Variants in DLGAP1 observed in about 807,000 individuals in gnomAD.
The protein encoded by DLGAP1 is disks large-associated protein 1.
In DLGAP1, 11 loss-of-function variants were observed where a neutral mutation model predicts 90.8. The ratio of observed to expected loss-of-function variants is 0.12; its 90% CI spans 0.08 to 0.20. DLGAP1 has a LOEUF of 0.20. Among genes scored for constraint, DLGAP1 ranks in the 10% least tolerant of loss-of-function variants. DLGAP1 has a pLI of 1.00. For synonymous variants in DLGAP1, 558 were observed against 540.7 expected (o/e 1.03, Z -0.44); for missense variants, 1,050 against 1,333.8 (o/e 0.79, Z 3.31).
Position 4,376,816 on chromosome 18 carries a change from G to A in DLGAP1, c.-267+78190C>T, listed in dbSNP as rs184508898. Among the ~76,000 whole-genome samples, 178 of 152,270 alleles carry A rather than the reference G, an allele frequency of 1.2e-3. 1 individual carries two copies. The highest frequency in any genetic ancestry group is 3.9e-3 in the African/African-American group (163 of 41,570). On this transcript the variant is annotated intron_variant, in intron 1 of 12. Coordinates refer to ENST00000315677, the MANE Select transcript of DLGAP1 (RefSeq NM_004746.4). Reference sequence around the variant, plus strand: ...TCAGGCGCTTATTGGACACAGAGCAGAGCCCTGGGTTTTCAGGTGTTCGAA... The same window carrying A: ...TCAGGCGCTTATTGGACACAGAGCAAAGCCCTGGGTTTTCAGGTGTTCGAA...
At chr18:3,581,351 A>T (rs1465329882) in intron 8 of DLGAP1, among the ~76,000 whole-genome samples, 2 of 152,058 alleles carry the variant, frequency 1.3e-5, no homozygotes, top group Admixed American at 1.3e-4. Context: ...ACACTGGCTT[A>T]TCATGTCTCT....
At chr18:3,845,303 T>C (rs559451992) in intron 4 of DLGAP1, 1 of 1,611,910 alleles carries the variant, frequency 6.2e-7, no homozygotes, top group African/African-American at 1.3e-5. Flanking sequence ...AGCTTTGATT[T>C]GGTATAGTGC....
chr18:4,222,968 T>C (rs1339433292), intron 1 of DLGAP1, among the ~76,000 whole-genome samples: 1 of 152,024 alleles, frequency 6.6e-6, no homozygotes, highest in Non-Finnish European at 1.5e-5. Context: ...ATATTAAAGA[T>C]TTTTGCTGGG....
At position 3,594,862 on chromosome 18, in the gene DLGAP1, G is replaced by T. The variant is rs138334173; in HGVS notation, c.1592-12614C>A. On this transcript the variant is annotated intron_variant, in intron 7 of 12. Transcript: ENST00000315677. ...GCATTTTCCATTTTTATCTGAAGTT[G>T]TACTTTGAATGCAGACACCTTTCTC... Among the ~76,000 whole-genome samples the T allele has an allele frequency of 3.0e-3, 452 of 152,262 alleles. 1 individual carries two copies. The highest frequency in any genetic ancestry group is 9.5e-3 in the African/African-American group (396 of 41,538).
At chr18:4,345,469 C>T (rs2081286328) in intron 1 of DLGAP1, among the ~76,000 whole-genome samples, 1 of 152,176 alleles carries the variant, frequency 6.6e-6, no homozygotes, top group Non-Finnish European at 1.5e-5. Context: ...TATAGATACT[C>T]ACAATAGGCA....
chr18:4,004,997 G>C (rs1468677381), intron 3 of DLGAP1, 119 bp downstream of exon 3: 1 of 151,732 alleles, frequency 6.6e-6, no homozygotes, highest in Non-Finnish European at 1.5e-5. Flanking sequence ...GGCGTAGTGG[G>C]ATGTTGGCCT....
At chr18:3,509,840 T>C (rs1217618961) in intron 10 of DLGAP1, among the ~76,000 whole-genome samples, 1 of 152,108 alleles carries the variant, frequency 6.6e-6, no homozygotes, top group Non-Finnish European at 1.5e-5. Flanking sequence ...TAGATAATGG[T>C]TTCTGATGCA....
intron 1 of DLGAP1, among the ~76,000 whole-genome samples, chr18:4,174,309 C>T (rs11081098): frequency 0.44 from 66,285 of 151,792 alleles, 15,489 homozygotes; most frequent in East Asian, 0.69. Flanking sequence ...TACTGATTAA[C>T]TTCATTGTTT....
intron 9 of DLGAP1, among the ~76,000 whole-genome samples, chr18:3,543,860 G>T (rs1321833058): frequency 6.6e-6 from 1 of 152,122 alleles, no homozygotes; most frequent in African/African-American, 2.4e-5. Flanking sequence ...GCATGGCAGT[G>T]TATGGAAGAG....
chr18:4,253,889 T>C (rs2078832340), intron 1 of DLGAP1, among the ~76,000 whole-genome samples: 1 of 152,188 alleles, frequency 6.6e-6, no homozygotes, highest in South Asian at 2.1e-4. Flanking sequence ...CTGATTTATA[T>C]TTGTACTTTG....
intron 10 of DLGAP1, among the ~76,000 whole-genome samples, chr18:3,519,416 T>C (rs1444676653): frequency 6.6e-6 from 1 of 152,170 alleles, no homozygotes; most frequent in Non-Finnish European, 1.5e-5. Flanking sequence ...ATGTATTTGG[T>C]TACCTCCCTC....
chr18:4,239,309 C>A (rs2078481148), intron 1 of DLGAP1, among the ~76,000 whole-genome samples: 1 of 152,058 alleles, frequency 6.6e-6, no homozygotes, highest in Non-Finnish European at 1.5e-5. Context: ...TAATTGACAT[C>A]ATTTAAAAAA....
At chr18:3,580,885 G>A (rs1477659087) in intron 8 of DLGAP1, 34 of 944,586 alleles carry the variant, frequency 3.6e-5, no homozygotes, top group Admixed American at 4.2e-5. Flanking sequence ...CTGCAGTAGC[G>A]TCTGCCCTGA....
At chr18:4,361,913 G>C (rs2081638156) in intron 1 of DLGAP1, among the ~76,000 whole-genome samples, 1 of 152,108 alleles carries the variant, frequency 6.6e-6, no homozygotes, top group African/African-American at 2.4e-5. Context: ...TAATTTAAAA[G>C]TATGCAAAGG....
chr18:4,448,541 C>A (rs2083726201), intron 1 of DLGAP1, among the ~76,000 whole-genome samples: 1 of 152,018 alleles, frequency 6.6e-6, no homozygotes, highest in South Asian at 2.1e-4. Flanking sequence ...TATTATGCAC[C>A]ATAGTTTATA....
At chr18:3,865,094 T>G (rs1305969492) in intron 4 of DLGAP1, among the ~76,000 whole-genome samples, 1 of 152,134 alleles carries the variant, frequency 6.6e-6, no homozygotes, top group Non-Finnish European at 1.5e-5. Context: ...TCACACTGAC[T>G]TATCTCTGTA....
At chr18:3,786,551 TA>T (rs2065459812) in intron 5 of DLGAP1, among the ~76,000 whole-genome samples, 1 of 152,160 alleles carries the variant, frequency 6.6e-6, no homozygotes, top group African/African-American at 2.4e-5. Flanking sequence ...TTGGACTAGC[TA>T]TGGTGCGTGC....
At chr18:4,112,072 A>G (rs2075983205) in intron 2 of DLGAP1, among the ~76,000 whole-genome samples, 1 of 151,938 alleles carries the variant, frequency 6.6e-6, no homozygotes, top group African/African-American at 2.4e-5. Flanking sequence ...ACTTACAGCT[A>G]CAAACTTCCC....
intron 1 of DLGAP1, among the ~76,000 whole-genome samples, chr18:4,416,911 T>C (rs942018134): frequency 3.3e-5 from 5 of 152,174 alleles, no homozygotes; most frequent in Non-Finnish European, 5.9e-5. Flanking sequence ...AAATGAAGTA[T>C]AACAAAACTA....
Sources: allele counts gnomAD v4.1 joint callset (sites outside exome capture counted in the v4.1 genomes callset), GRCh38; gene constraint gnomAD v4.1.1; transcripts MANE v1.5; gene names NCBI Gene and HGNC (gene_info 2026-07-23, HGNC 2026-07-21).